MGAT4C: variants seen among roughly 807,000 people sequenced by gnomAD.
MGAT4C encodes MGAT4 family member C, also known as alpha-1,3-mannosyl-glycoprotein 4-beta-N-acetylglucosaminyltransferase C.
MGAT4C carries 19 observed loss-of-function variants against 40.1 expected under a neutral mutation model. The ratio of observed to expected loss-of-function variants is 0.47; its 90% CI spans 0.33 to 0.70. The LOEUF (loss-of-function observed/expected upper bound fraction) is 0.70, where lower values mean the gene tolerates loss of function less well. Ranked by LOEUF, MGAT4C falls within the 30% of genes least tolerant of loss-of-function variation. The pLI, the probability that MGAT4C is intolerant of heterozygous loss-of-function variation, is 0.02. For synonymous variants in MGAT4C, 181 were observed against 187.1 expected, an observed-to-expected ratio of 0.97 and a Z score of 0.27; for missense variants, 491 against 563.2, an observed-to-expected ratio of 0.87 and a Z score of 1.30.
intron 1 of MGAT4C, among the ~76,000 whole-genome samples, chr12:86,778,645 T>C (rs1951782899): frequency 6.6e-6 from 1 of 152,180 alleles, no homozygotes; most frequent in South Asian, 2.1e-4. Context: ...ATTGCACATA[T>C]ACCAATATTA....
intron 3 of MGAT4C, among the ~76,000 whole-genome samples, chr12:86,423,332 A>G (rs1956865470): frequency 6.6e-6 from 1 of 151,714 alleles, no homozygotes; most frequent in South Asian, 2.1e-4. Context: ...CATTTAACAT[A>G]AAATTATGGA....
intron 1 of MGAT4C, among the ~76,000 whole-genome samples, chr12:86,189,784 G>A (rs1241009554): frequency 6.6e-6 from 1 of 151,952 alleles, no homozygotes; most frequent in African/African-American, 2.4e-5. Flanking sequence ...GAAAAACATG[G>A]GTAGTCTTGT....
At chr12:86,005,038 CGTT>C (rs1887733067) in intron 2 of MGAT4C, among the ~76,000 whole-genome samples, 1 of 152,164 alleles carries the variant, frequency 6.6e-6, no homozygotes, top group East Asian at 1.9e-4. Flanking sequence ...GGCATCATCT[CGTT>C]GTAAGATCAA....
intron 3 of MGAT4C, among the ~76,000 whole-genome samples, chr12:86,364,763 G>T (rs575562012): frequency 2.0e-5 from 3 of 152,234 alleles, no homozygotes; most frequent in Admixed American, 2.0e-4. Context: ...CATAAAACCA[G>T]CAAGTTTTTA....
At chr12:86,643,110 G>C (rs909297398) in intron 2 of MGAT4C, among the ~76,000 whole-genome samples, 2 of 151,690 alleles carry the variant, frequency 1.3e-5, no homozygotes, top group Non-Finnish European at 2.9e-5. Context: ...CACGGTGGAA[G>C]GCAGGAGGGC....
chr12:86,250,855 A>T (rs1043408789), intron 1 of MGAT4C, among the ~76,000 whole-genome samples: 1 of 152,102 alleles, frequency 6.6e-6, no homozygotes, highest in Non-Finnish European at 1.5e-5. Context: ...ATCTAGTTTC[A>T]AAAGTAATTA....
chr12:86,058,156 G>T (rs1228278154), intron 1 of MGAT4C, among the ~76,000 whole-genome samples: 4 of 151,722 alleles, frequency 2.6e-5, no homozygotes, highest in African/African-American at 9.7e-5. Flanking sequence ...ACCTAAATTG[G>T]CCAGAAAACT....
intron 3 of MGAT4C, among the ~76,000 whole-genome samples, chr12:86,433,525 T>G (rs185986029): frequency 6.6e-6 from 1 of 151,484 alleles, no homozygotes; most frequent in Non-Finnish European, 1.5e-5. Context: ...GCAAATATAT[T>G]TTTTTTTACT....
At position 86,387,409 on chromosome 12, in the gene MGAT4C, GTTA is replaced by G. The variant is rs1347322546; in HGVS notation, c.-120+47745_-120+47747del. Among the ~76,000 whole-genome samples, 6 of 152,004 alleles carry G rather than the reference GTTA, an allele frequency of 3.9e-5. No individual in the cohort carries two copies. The East Asian group carries it at 5.8e-4, about 15-fold the overall frequency. On this transcript the variant is annotated intron_variant, in intron 3 of 7. Transcript: ENST00000548651. ...TATTTCACAGATGTGTAATATCAGT[GTTA>G]TTATTATCAATCTAGAATTGAAAAC...
upstream of MGAT4C, among the ~76,000 whole-genome samples, chr12:86,260,720 G>A (rs1381467593): frequency 1.3e-5 from 2 of 151,994 alleles, no homozygotes; most frequent in Admixed American, 6.6e-5. Flanking sequence ...CAAGGAGCAA[G>A]TTATTTACCT....
rs541446032 is a variant in MGAT4C at position 86,574,267 on chromosome 12, G to A, written c.-228-139002C>T. Among the ~76,000 whole-genome samples, 455 of 151,734 alleles carry A rather than the reference G, an allele frequency of 3.0e-3. 2 individuals are homozygous for A. The highest frequency in any genetic ancestry group is 0.01 in the African/African-American group (434 of 41,480). On this transcript the variant is annotated intron_variant, in intron 2 of 7. Transcript: ENST00000548651. ...GAGCCTTCAGTTCCATATTCAAGTA[G>A]GGATGACATTTTTCTGCTCACAGTG...
intron 2 of MGAT4C, among the ~76,000 whole-genome samples, chr12:86,031,340 A>T (rs1890736452): frequency 6.6e-6 from 1 of 151,748 alleles, no homozygotes; most frequent in African/African-American, 2.4e-5. Flanking sequence ...TATATAAAAC[A>T]TTATTTCCGT....
At chr12:86,350,598 T>A (rs1955136010) in intron 3 of MGAT4C, among the ~76,000 whole-genome samples, 1 of 152,076 alleles carries the variant, frequency 6.6e-6, no homozygotes, top group Admixed American at 6.6e-5. Context: ...CACTTATGCA[T>A]AAAAGAAAAA....
At chr12:86,264,598 C>T (rs1952740148) in intron 4 of MGAT4C, among the ~76,000 whole-genome samples, 1 of 152,172 alleles carries the variant, frequency 6.6e-6, no homozygotes. Context: ...AGCCACCCAG[C>T]TGTGTGTGCG....
At chr12:86,795,384 G>A (rs1952097245) in intron 1 of MGAT4C, among the ~76,000 whole-genome samples, 1 of 151,882 alleles carries the variant, frequency 6.6e-6, no homozygotes, top group Admixed American at 6.6e-5. Flanking sequence ...CAGTATTTCT[G>A]CCCATATTGC....
chr12:86,813,529 A>T (rs1035555669), intron 1 of MGAT4C, among the ~76,000 whole-genome samples: 5 of 152,072 alleles, frequency 3.3e-5, no homozygotes, highest in African/African-American at 9.7e-5. Flanking sequence ...TATGCAATGT[A>T]TATGTGTTTC....
Position 86,062,223 on chromosome 12 carries a change from C to A in MGAT4C, c.-56-12500G>T, listed in dbSNP as rs184979924. ...ATTCTGCAGCCACCGCTGGTGATAC[C>A]CCGGCAAACACGGTCTGGAATGGCC... On this transcript the variant is annotated intron_variant, in intron 1 of 4. Coordinates refer to ENST00000611864, the MANE Select transcript of MGAT4C (RefSeq NM_001351288.2). 3.7e-3 allele frequency among the ~76,000 whole-genome samples: 567 copies of A among 152,244 alleles called. 2 individuals are homozygous for A. Among genetic ancestry groups the A allele is most frequent in the Non-Finnish European group, 5.7e-3 (389 of 68,014 alleles).
In MGAT4C at chr12:86,431,071, G is replaced by A. The variant is rs758965623; in HGVS notation, c.-120+4086C>T. Among the ~76,000 whole-genome samples, 76 of 152,168 alleles carry A rather than the reference G, an allele frequency of 5.0e-4. 1 individual carries two copies. The highest frequency in any genetic ancestry group is 6.8e-4 in the Non-Finnish European group (46 of 68,030). On this transcript the variant is annotated intron_variant, in intron 3 of 7. Transcript: ENST00000548651. ...GAGGAGATTGGCATCTCCTTGCCTA[G>A]GCAGAATTGTTGGGGTGGGTCCCTG...
chr12:86,506,952 A>C (rs1007645817), intron 2 of MGAT4C, among the ~76,000 whole-genome samples: 1 of 152,182 alleles, frequency 6.6e-6, no homozygotes, highest in African/African-American at 2.4e-5. Context: ...TTTAGCCAAA[A>C]TGTTATTGAC....
Sources: gnomAD v4.1 joint callset for allele counts (sites outside exome capture counted in the v4.1 genomes callset) on GRCh38, gnomAD v4.1.1 for gene constraint, MANE v1.5 for transcripts, NCBI Gene and HGNC (gene_info 2026-07-23, HGNC 2026-07-21) for gene names.